KRT74: variants seen among roughly 807,000 people sequenced by gnomAD.
KRT74 encodes keratin, type II cytoskeletal 74.
In KRT74, 43 loss-of-function variants were observed where a neutral mutation model predicts 42.7. That is an observed-to-expected ratio of 1.01 (90% CI 0.79 to 1.30). KRT74 has a LOEUF of 1.30. Among genes scored for constraint, KRT74 ranks in the 50% most tolerant of loss-of-function variants. KRT74 has a pLI of 0.00. For missense variants in KRT74, 736 were observed against 689.1 expected (o/e 1.07, Z -0.76); for synonymous variants, 302 against 279.0 (o/e 1.08, Z -0.82).
At position 52,572,584 on chromosome 12, in the gene KRT74, C is replaced by T. The variant is rs78832381; in HGVS notation, c.555G>A (p.Lys185=). 0.033 allele frequency: 53,011 copies of T among 1,614,144 alleles called. 1,098 individuals carry two copies. The highest frequency in any genetic ancestry group is 0.039 in the Non-Finnish European group (46,303 of 1,179,980). ...LQQLDLNNCK[K]NLEPILEGYI... ...AGCCCTCAAGGATGGGCTCCAGGTT[C>T]TTCTTGCAGTTGTTCAGGTCCAGCT... Residue 185 remains lysine, a synonymous_variant, in exon 2 of 9, where the codon AAG becomes AAA. Transcript: ENST00000305620.
At position 52,566,749 on chromosome 12, in the gene KRT74, G is replaced by A; in HGVS notation, c.*220C>T. 1 of 435,102 alleles carries A rather than the reference G, an allele frequency of 2.3e-6. No homozygotes were observed. The highest frequency in any genetic ancestry group is 3.3e-5 in the East Asian group (1 of 30,298). The allele number at this position is 435,102 out of a possible 1,614,324, so 27.0% of individuals were successfully genotyped here. A position where few individuals can be genotyped will look rare whatever the true frequency, so the allele number is the denominator to read the frequency against. On this transcript the variant is annotated 3_prime_UTR_variant, in exon 9 of 9. Transcript: ENST00000305620. ...CCTCCTGCCAGCCAAAGGCAGCGAG[G>A]AAAATGAGAAGTCGTTAGTCCACAT...
rs1939415767 is a variant in KRT74 at position 52,568,272 on chromosome 12, G to A, written c.1252C>T (p.Leu418=). The A allele has an allele frequency of 6.2e-7, 1 of 1,614,070 alleles. No homozygotes were observed. The highest frequency in any genetic ancestry group is 1.3e-5 in the African/African-American group (1 of 74,918). The change falls in exon 7 of 9, where the codon CTG becomes TTG. Residue 418 remains leucine (L), a synonymous_variant. Coordinates refer to ENST00000305620, the MANE Select transcript of KRT74 (RefSeq NM_175053.4). ...EGALHQAKEE[L]ARMLREYQEL... ...TGGTACTCGCGCAGCATCCGCGCCA[G>A]CTCCTCCTTGGCCTGGTGCAGGGCG...
intron 6 of KRT74, chr12:52,569,373 C>A: frequency 4.5e-6 from 2 of 446,382 alleles, no homozygotes; most frequent in Non-Finnish European, 7.9e-6. Context: ...TGCCCCACTC[C>A]GAGAGCAGGA....
At position 52,566,955 on chromosome 12, in the gene KRT74, G is replaced by T. The variant is rs1478241022; in HGVS notation, c.*14C>A. 1.9e-6 allele frequency: 3 copies of T among 1,603,504 alleles called. No homozygotes were observed. The Admixed American group carries it at 5.0e-5, about 27-fold the overall frequency. On this transcript the variant is annotated 3_prime_UTR_variant, in exon 9 of 9. Transcript: ENST00000305620. ...CCTCTTCTTCCAAGTGCTGAGGTGG[G>T]TGAGGCCATGGGTCTAGCGGGTGGC...
At position 52,572,687 on chromosome 12, in the gene KRT74, A is replaced by T. The variant is rs1415157929; in HGVS notation, c.472-20T>A. Reference sequence around the variant, plus strand: ...GCGTACCTGGAACCCAAATCAACAGACACCTGGAACCACAATGGGTGCAGT... The same window carrying T: ...GCGTACCTGGAACCCAAATCAACAGTCACCTGGAACCACAATGGGTGCAGT... On this transcript the variant is annotated intron_variant, in intron 1 of 8. Transcript: ENST00000305620. 1 of 1,608,766 alleles carries T rather than the reference A, an allele frequency of 6.2e-7. No individual in the cohort carries two copies. Among genetic ancestry groups the T allele is most frequent in the South Asian group, 1.1e-5 (1 of 90,942 alleles).
chr12:52,566,803 G>A lies in KRT74; in HGVS notation c.*166C>T, dbSNP rs1939389038. The A allele has an allele frequency of 5.5e-6, 3 of 546,456 alleles. No individual in the cohort carries two copies. The highest frequency in any genetic ancestry group is 9.7e-6 in the Non-Finnish European group (3 of 309,112). The allele number at this position is 546,456 out of a possible 1,614,324, so 33.9% of individuals were successfully genotyped here. A position where few individuals can be genotyped will look rare whatever the true frequency, so the allele number is the denominator to read the frequency against. ...ACCTAAGGAAACAGGGAAGGTGACTGTGTCAATCAGAGCTTGAAAGTAAAA... is the reference window on the plus strand; with the variant it reads ...ACCTAAGGAAACAGGGAAGGTGACTATGTCAATCAGAGCTTGAAAGTAAAA... On this transcript the variant is annotated 3_prime_UTR_variant, in exon 9 of 9. Transcript: ENST00000305620.
intron 1 of KRT74, 103 bp downstream of exon 1, chr12:52,573,204 C>A (rs539866145): frequency 1.7e-6 from 2 of 1,170,622 alleles, no homozygotes; most frequent in African/African-American, 1.5e-5. Context: ...CTTCCTGAGG[C>A]CCAGCTGCAC....
At chr12:52,572,038 C>A in intron 2 of KRT74, 34 bp from the exon 3 acceptor site, 1 of 1,491,090 alleles carries the variant, frequency 6.7e-7, no homozygotes, top group Non-Finnish European at 9.4e-7. Context: ...CCTTAGCCCC[C>A]TTAGCCAAGG....
At chr12:52,572,155 T>C (rs1173071288) in intron 2 of KRT74, 151 bp from the exon 3 acceptor site, 3 of 729,724 alleles carry the variant, frequency 4.1e-6, no homozygotes, top group Non-Finnish European at 7.3e-6. Flanking sequence ...TATCCCTGAG[T>C]TGCTTCACTT....
Position 52,570,539 on chromosome 12 carries a change from C to T in KRT74, c.1008+130G>A, listed in dbSNP as rs191765496. 2.6e-4 allele frequency: 249 copies of T among 963,168 alleles called. No individual in the cohort carries two copies. In the Middle Eastern group the frequency reaches 4.5e-3, roughly 17 times the overall value. The allele number at this position is 963,168 out of a possible 1,614,324, so 59.7% of individuals were successfully genotyped here. A position where few individuals can be genotyped will look rare whatever the true frequency, so the allele number is the denominator to read the frequency against. ...AAGCTCTGCTAAGAATTCCTTTTTT[C>T]CTTGAAGCCTTGGTTGGAACCTTTC... On this transcript the variant is annotated intron_variant, in intron 5 of 8. Coordinates refer to ENST00000305620, the MANE Select transcript of KRT74 (RefSeq NM_175053.4).
chr12:52,570,417 G>A (rs1253758158), intron 5 of KRT74, among the ~76,000 whole-genome samples: 1 of 152,212 alleles, frequency 6.6e-6, no homozygotes, highest in African/African-American at 2.4e-5. Flanking sequence ...CTGCAACAGA[G>A]AGGAACAGGC....
In KRT74 at chr12:52,573,403, G is replaced by A. The variant is rs73320320; in HGVS notation, c.375C>T (p.Leu125=). Residue 125 remains leucine, a synonymous_variant, in exon 1 of 9, where the codon CTC becomes CTT. Coordinates refer to ENST00000305620, the MANE Select transcript of KRT74 (RefSeq NM_175053.4). ...VTVNKSLLAP[L]NVELDPEIQK... is the part of the protein sequence containing the mutation. ...GGATCTCAGGGTCCAGCTCCACGTT[G>A]AGGGGGGCCAAGAGGCTCTTGTTGA... is the stretch of plus-strand genomic sequence containing the variant. 2.6e-3 allele frequency: 4,212 copies of A among 1,614,196 alleles called. 73 individuals carry two copies. In the African/African-American group the frequency reaches 0.049, roughly 19 times the overall value.
chr12:52,569,833 G>C (rs768822970), intron 6 of KRT74, 26 bp downstream of exon 6: 3 of 1,613,996 alleles, frequency 1.9e-6, no homozygotes, highest in South Asian at 2.2e-5. Context: ...TGGAGACCGG[G>C]AGTTCTTTGT....
intron 3 of KRT74, among the ~76,000 whole-genome samples, 175 bp downstream of exon 3, chr12:52,571,769 T>C (rs1939486143): frequency 6.6e-6 from 1 of 152,156 alleles, no homozygotes; most frequent in Non-Finnish European, 1.5e-5. Flanking sequence ...TTCCTGAGTG[T>C]GTGTCTTTCC....
Position 52,567,649 on chromosome 12 carries a change from G to C in KRT74, c.1390+10C>G. The C allele has an allele frequency of 2.5e-6, 4 of 1,605,330 alleles. No homozygotes were observed. The highest frequency in any genetic ancestry group is 1.7e-6 in the Non-Finnish European group (2 of 1,172,126). On this transcript the variant is annotated intron_variant, in intron 8 of 8. Coordinates refer to ENST00000305620, the MANE Select transcript of KRT74 (RefSeq NM_175053.4). Reference sequence around the variant, plus strand: ...TTTCCCAACCCAAGGCATCTCTCAAGAATACTCACAGATGCTCACAGAGGA... The same window carrying C: ...TTTCCCAACCCAAGGCATCTCTCAACAATACTCACAGATGCTCACAGAGGA...
chr12:52,567,164 G>A lies in KRT74; in HGVS notation c.1395C>T (p.Val465=), dbSNP rs1939396303. The stretch of plus-strand genomic sequence containing the variant: ...GGTAGCTGTAGCTGCTACTGCTGAT[G>A]ACAGCTGAGGAGGAGGGGCCAAGAG... ...GENPSSVSIS[V]ISSSSYSYHH... The change falls in exon 9 of 9, where the codon GTC becomes GTT. Residue 465 remains valine, a synonymous_variant. Coordinates refer to ENST00000305620, the MANE Select transcript of KRT74 (RefSeq NM_175053.4). 6.3e-7 allele frequency: 1 copy of A among 1,592,428 alleles called. No homozygotes were observed. The highest frequency in any genetic ancestry group is 8.6e-7 in the Non-Finnish European group (1 of 1,165,350).
intron 1 of KRT74, among the ~76,000 whole-genome samples, chr12:52,572,909 C>T (rs1939513009): frequency 6.6e-6 from 1 of 152,188 alleles, no homozygotes; most frequent in South Asian, 2.1e-4. Flanking sequence ...TTCTATTGCT[C>T]GGCCCTGGTC....
Position 52,570,669 on chromosome 12 carries a change from C to T in KRT74, c.1008G>A (p.Lys336=), listed in dbSNP as rs1375634803. The change falls in exon 5 of 9, where the codon AAG becomes AAA. Residue 336 remains lysine (K), a splice_region_variant and synonymous_variant. Coordinates refer to ENST00000305620, the MANE Select transcript of KRT74 (RefSeq NM_175053.4). ...KAEAEALYQT[K]IQELQLAASR... ...GGGAGGAGACCCATTCGGTGACCAC[C>T]TTGGTCTGGTACAGGGCCTCGGCCT... 6.2e-7 allele frequency: 1 copy of T among 1,614,252 alleles called. No homozygotes were observed. Among genetic ancestry groups the T allele is most frequent in the Admixed American group, 1.7e-5 (1 of 60,032 alleles).
Position 52,566,928 on chromosome 12 carries a change from C to A in KRT74, c.*41G>T. ...CAGACACCTTTGGGGGTGGCAAAGT[C>A]ACCTCTTCTTCCAAGTGCTGAGGTG... On this transcript the variant is annotated 3_prime_UTR_variant, in exon 9 of 9. Transcript: ENST00000305620. The A allele has an allele frequency of 6.4e-7, 1 of 1,573,296 alleles. No homozygotes were observed.
Sources: gnomAD v4.1 joint callset for allele counts (sites outside exome capture counted in the v4.1 genomes callset) on GRCh38, gnomAD v4.1.1 for gene constraint, MANE v1.5 for transcripts, NCBI Gene and HGNC (gene_info 2026-07-23, HGNC 2026-07-21) for gene names.